PTPRD: variants seen among roughly 807,000 people sequenced by gnomAD.
PTPRD encodes protein tyrosine phosphatase receptor type D, also known as receptor-type tyrosine-protein phosphatase delta.
A neutral mutation model predicts 214.5 loss-of-function variants in PTPRD; 34 were observed. That is an observed-to-expected ratio of 0.16 (90% CI 0.12 to 0.21). The LOEUF (loss-of-function observed/expected upper bound fraction) is 0.21, where lower values mean the gene tolerates loss of function less well. Ranked by LOEUF, PTPRD falls within the 10% of genes least tolerant of loss-of-function variation. The pLI, the probability that PTPRD is intolerant of heterozygous loss-of-function variation, is 1.00. For synonymous variants in PTPRD, 1,128 were observed against 845.7 expected, an observed-to-expected ratio of 1.33 and a Z score of -5.79; for missense variants, 2,545 against 2,398.7, an observed-to-expected ratio of 1.06 and a Z score of -1.27.
At chr9:8,447,060 T>A (rs1388782243) in intron 34 of PTPRD, among the ~76,000 whole-genome samples, 1 of 152,188 alleles carries the variant, frequency 6.6e-6, no homozygotes, top group Non-Finnish European at 1.5e-5. Flanking sequence ...AACATAGAGC[T>A]TGGATGGCAA....
chr9:8,837,619 C>G (rs1331240712), intron 11 of PTPRD, among the ~76,000 whole-genome samples: 1 of 152,094 alleles, frequency 6.6e-6, no homozygotes, highest in East Asian at 1.9e-4. Flanking sequence ...ACCTTAGCCT[C>G]TCAAGTAGCT....
intron 35 of PTPRD, among the ~76,000 whole-genome samples, chr9:8,431,365 G>A (rs940962791): frequency 3.3e-5 from 5 of 152,092 alleles, no homozygotes; most frequent in Admixed American, 1.3e-4. Context: ...AAGCTCCAGA[G>A]AAGATATCAG....
chr9:9,177,050 A>T (rs1437978902), intron 10 of PTPRD, among the ~76,000 whole-genome samples: 1 of 152,122 alleles, frequency 6.6e-6, no homozygotes, highest in Non-Finnish European at 1.5e-5. Context: ...AGAACTGCCC[A>T]AGACTGGGTA....
intron 7 of PTPRD, among the ~76,000 whole-genome samples, chr9:9,669,324 G>T (rs572830660): frequency 1.3e-5 from 2 of 152,118 alleles, no homozygotes; most frequent in Admixed American, 6.6e-5. Flanking sequence ...ACTGATAGTA[G>T]CATCTTGTTC....
intron 8 of PTPRD, among the ~76,000 whole-genome samples, chr9:9,528,742 AAAAG>A (rs2074749283): frequency 6.6e-6 from 1 of 152,080 alleles, no homozygotes; most frequent in Admixed American, 6.5e-5. Flanking sequence ...CATGCAGATA[AAAAG>A]AAAGAAAGGA....
intron 39 of PTPRD, among the ~76,000 whole-genome samples, chr9:8,355,822 C>T (rs1308579596): frequency 6.6e-6 from 1 of 152,160 alleles, no homozygotes; most frequent in Non-Finnish European, 1.5e-5. Flanking sequence ...AAAGATTGTG[C>T]ATTTCCAACA....
In PTPRD at chr9:10,267,017, C is replaced by T. The variant is rs1020532622; in HGVS notation, c.-545+73946G>A. The stretch of plus-strand genomic sequence containing the variant: ...CAGCCTGGCTAACATGGTGAAACCC[C>T]GTCTCTACTAAAAACACAAAAAAAA... On this transcript the variant is annotated intron_variant, in intron 3 of 45. Coordinates refer to ENST00000381196, the MANE Select transcript of PTPRD (RefSeq NM_002839.4). Among the ~76,000 whole-genome samples, 12 of 151,648 alleles carry T rather than the reference C, an allele frequency of 7.9e-5. No individual in the cohort carries two copies. The South Asian group carries it at 8.3e-4, about 11-fold the overall frequency.
intron 11 of PTPRD, among the ~76,000 whole-genome samples, chr9:8,988,442 C>G (rs749397055): frequency 1.3e-5 from 2 of 151,942 alleles, no homozygotes; most frequent in Non-Finnish European, 2.9e-5. Flanking sequence ...CTTTAATAAT[C>G]AAAGCTATGG....
At chr9:8,505,093 T>G (rs1289711016) in intron 22 of PTPRD, among the ~76,000 whole-genome samples, 1 of 152,158 alleles carries the variant, frequency 6.6e-6, no homozygotes, top group African/African-American at 2.4e-5. Flanking sequence ...AAAAATAGAT[T>G]CACAAATGTT....
At chr9:8,407,178 A>C (rs1038197622) in intron 35 of PTPRD, among the ~76,000 whole-genome samples, 2 of 152,212 alleles carry the variant, frequency 1.3e-5, no homozygotes, top group East Asian at 3.9e-4. Context: ...TAATACGCTT[A>C]GGTTCAAAGT....
intron 8 of PTPRD, among the ~76,000 whole-genome samples, chr9:9,512,733 A>G (rs958968041): frequency 6.6e-6 from 1 of 151,724 alleles, no homozygotes; most frequent in Non-Finnish European, 1.5e-5. Context: ...AACTATCAAC[A>G]TATCTGTGGC....
At chr9:10,426,257 C>T (rs1215722385) in intron 2 of PTPRD, among the ~76,000 whole-genome samples, 1 of 151,902 alleles carries the variant, frequency 6.6e-6, no homozygotes, top group Non-Finnish European at 1.5e-5. Flanking sequence ...AAATTAAACC[C>T]TAAGTTTAAG....
At chr9:8,953,988 A>C (rs1026082868) in intron 11 of PTPRD, among the ~76,000 whole-genome samples, 5 of 151,964 alleles carry the variant, frequency 3.3e-5, no homozygotes, top group Non-Finnish European at 7.4e-5. Context: ...GAATCCCGTT[A>C]CTAGTTATAT....
chr9:8,382,720 A>T (rs1875238), intron 37 of PTPRD, among the ~76,000 whole-genome samples: 1 of 152,062 alleles, frequency 6.6e-6, no homozygotes. Flanking sequence ...CCAGCGTCCT[A>T]TTTACATTAA....
chr9:9,719,062 G>A (rs1462968712), intron 7 of PTPRD, among the ~76,000 whole-genome samples: 1 of 152,138 alleles, frequency 6.6e-6, no homozygotes, highest in East Asian at 1.9e-4. Flanking sequence ...ATGTCTTATG[G>A]CCAGTTGAAT....
At chr9:9,634,825 C>T (rs753006485) in intron 7 of PTPRD, among the ~76,000 whole-genome samples, 9 of 152,120 alleles carry the variant, frequency 5.9e-5, no homozygotes, top group Non-Finnish European at 1.0e-4. Context: ...CTCTAAGTAC[C>T]AATTCCCACA....
At chr9:8,784,245 C>G (rs2095850844) in intron 11 of PTPRD, among the ~76,000 whole-genome samples, 1 of 152,162 alleles carries the variant, frequency 6.6e-6, no homozygotes, top group Non-Finnish European at 1.5e-5. Context: ...AACGACATGA[C>G]CTGGAAAGGT....
chr9:8,973,894 C>G (rs1211885263), intron 11 of PTPRD, among the ~76,000 whole-genome samples: 1 of 151,682 alleles, frequency 6.6e-6, no homozygotes, highest in African/African-American at 2.4e-5. Context: ...TGTCTTTTGC[C>G]CACTTTTAAT....
intron 2 of PTPRD, among the ~76,000 whole-genome samples, chr9:10,551,166 C>A (rs1348213116): frequency 2.0e-5 from 3 of 152,010 alleles, no homozygotes; most frequent in Non-Finnish European, 4.4e-5. Context: ...ACACCCCCAA[C>A]TCTGCAAAGA....
Sources: allele counts gnomAD v4.1 joint callset (sites outside exome capture counted in the v4.1 genomes callset), GRCh38; gene constraint gnomAD v4.1.1; transcripts MANE v1.5; gene names NCBI Gene and HGNC (gene_info 2026-07-23, HGNC 2026-07-21).